The following EYS variants were observed in gnomAD, a reference collection of about 807,000 sequenced individuals.
EYS encodes the protein EGF-like photoreceptor maintenance factor.
In EYS, 250 loss-of-function variants were observed where a neutral mutation model predicts 282.1. That is an observed-to-expected ratio of 0.89 (90% CI 0.80 to 0.98). The LOEUF (loss-of-function observed/expected upper bound fraction) is 0.98, where lower values mean the gene tolerates loss of function less well. Ranked by LOEUF, EYS falls within the 50% of genes least tolerant of loss-of-function variation. The pLI, the probability that EYS is intolerant of heterozygous loss-of-function variation, is 0.00. For synonymous variants in EYS, 1,355 were observed against 1,282.9 expected (o/e 1.06, Z -1.20); for missense variants, 4,016 against 3,709.0 (o/e 1.08, Z -2.15).
chr6:64,250,374 G>A (rs1300234177), intron 30 of EYS, among the ~76,000 whole-genome samples: 2 of 152,158 alleles, frequency 1.3e-5, no homozygotes, highest in East Asian at 3.8e-4. Flanking sequence ...GGGGCAGCTA[G>A]CAGAATTGCA....
At chr6:65,455,233 T>A (rs1764557177) in intron 5 of EYS, among the ~76,000 whole-genome samples, 3 of 152,122 alleles carry the variant, frequency 2.0e-5, no homozygotes, top group African/African-American at 7.2e-5. Context: ...GTTAAGTTGA[T>A]TCTTACATAT....
At chr6:65,393,928 G>C (rs1766162129) in intron 7 of EYS, among the ~76,000 whole-genome samples, 1 of 151,860 alleles carries the variant, frequency 6.6e-6, no homozygotes, top group Non-Finnish European at 1.5e-5. Context: ...AAAATAAAAG[G>C]CTTAGAAAGC....
intron 11 of EYS, among the ~76,000 whole-genome samples, chr6:65,310,771 A>G (rs1372893329): frequency 3.9e-5 from 6 of 152,090 alleles, no homozygotes; most frequent in Non-Finnish European, 8.8e-5. Flanking sequence ...TCATTATCAT[A>G]TAAGCTCCAT....
At chr6:64,579,619 C>T (rs1407062610) in intron 26 of EYS, among the ~76,000 whole-genome samples, 1 of 152,058 alleles carries the variant, frequency 6.6e-6, no homozygotes, top group African/African-American at 2.4e-5. Flanking sequence ...ATGTCCTCCA[C>T]AAGCCTTATT....
chr6:64,873,480 G>T (rs1394714520), intron 19 of EYS, among the ~76,000 whole-genome samples: 1 of 152,032 alleles, frequency 6.6e-6, no homozygotes, highest in African/African-American at 2.4e-5. Context: ...AATCCAAAGA[G>T]TTGATCCCAT....
At chr6:65,574,220 G>A (rs921811169) in intron 2 of EYS, among the ~76,000 whole-genome samples, 8 of 152,060 alleles carry the variant, frequency 5.3e-5, no homozygotes, top group South Asian at 2.1e-4. Context: ...AAACCATTCC[G>A]AGTGCCAAGA....
intron 29 of EYS, among the ~76,000 whole-genome samples, chr6:64,319,462 G>C (rs1770117716): frequency 6.6e-6 from 1 of 151,964 alleles, no homozygotes; most frequent in African/African-American, 2.4e-5. Context: ...AGCAGGAGGA[G>C]AACAACTGTG....
intron 13 of EYS, among the ~76,000 whole-genome samples, chr6:65,021,783 G>A (rs974499038): frequency 5.9e-5 from 9 of 152,266 alleles, no homozygotes; most frequent in Admixed American, 6.5e-5. Flanking sequence ...TCACTGTTCA[G>A]CATGGCTGTG....
intron 15 of EYS, among the ~76,000 whole-genome samples, chr6:64,925,644 T>C (rs11757047): frequency 0.033 from 4,969 of 152,240 alleles, 141 homozygotes; most frequent in East Asian, 0.13. Context: ...GAGAGCCAGA[T>C]GGCATGGTCA....
chr6:64,730,067 A>C (rs1190739025), intron 22 of EYS, among the ~76,000 whole-genome samples: 1 of 152,224 alleles, frequency 6.6e-6, no homozygotes, highest in Non-Finnish European at 1.5e-5. Context: ...AAGGGGTATT[A>C]GAAAATGGAA....
intron 22 of EYS, among the ~76,000 whole-genome samples, chr6:64,660,521 TAAGCA>T (rs1300027052): frequency 1.1e-3 from 171 of 152,286 alleles, no homozygotes; most frequent in African/African-American, 3.8e-3. Flanking sequence ...CTTAAGCTGA[TAAGCA>T]ACTTCAGCAA....
At position 63,940,365 on chromosome 6, in the gene EYS, C is replaced by G. The variant is rs114473379; in HGVS notation, c.7055+44018G>C. ...TGTGAAGCTGTTGCTGCAGCTAGGC[C>G]AGCGGGTGTAAAAACTTTGTACTTT... On this transcript the variant is annotated intron_variant, in intron 35 of 42. Transcript: ENST00000503581. 8.8e-4 allele frequency among the ~76,000 whole-genome samples: 134 copies of G among 151,936 alleles called. 1 individual carries two copies. Among genetic ancestry groups the G allele is most frequent in the African/African-American group, 3.1e-3 (130 of 41,454 alleles).
intron 29 of EYS, among the ~76,000 whole-genome samples, chr6:64,359,241 A>C (rs569577722): frequency 9.8e-4 from 148 of 151,752 alleles, no homozygotes; most frequent in Non-Finnish European, 1.6e-3. Context: ...AAATGTTCCA[A>C]TTTTTAAATA....
chr6:64,762,867 C>A (rs1773206362), intron 22 of EYS, among the ~76,000 whole-genome samples: 1 of 152,080 alleles, frequency 6.6e-6, no homozygotes, highest in Non-Finnish European at 1.5e-5. Flanking sequence ...AAATCTATCT[C>A]TAGTTTACTT....
intron 34 of EYS, among the ~76,000 whole-genome samples, chr6:63,987,056 A>T (rs1204521389): frequency 6.6e-6 from 1 of 151,732 alleles, no homozygotes; most frequent in Non-Finnish European, 1.5e-5. Flanking sequence ...TGATCAATAC[A>T]ACAGGGCCAC....
At chr6:64,199,565 A>C (rs565507447) in intron 31 of EYS, among the ~76,000 whole-genome samples, 1 of 152,342 alleles carries the variant, frequency 6.6e-6, no homozygotes, top group South Asian at 2.1e-4. Context: ...ACAAAAGCCA[A>C]AATTGACAAA....
intron 29 of EYS, among the ~76,000 whole-genome samples, chr6:64,358,190 A>G (rs935825951): frequency 6.6e-6 from 1 of 151,538 alleles, no homozygotes. Context: ...CCCTTTGCCA[A>G]TCTGTGTCCA....
intron 12 of EYS, among the ~76,000 whole-genome samples, chr6:65,269,650 T>G (rs1767846171): frequency 6.6e-6 from 1 of 152,140 alleles, no homozygotes. Flanking sequence ...CAGAAATTAT[T>G]TCTCACAGTT....
chr6:64,123,135 A>C (rs1773646929), intron 31 of EYS, among the ~76,000 whole-genome samples: 1 of 152,214 alleles, frequency 6.6e-6, no homozygotes, highest in Admixed American at 6.5e-5. Flanking sequence ...GCAAACCAGC[A>C]TCGTTTCTTG....
Sources: gnomAD v4.1 joint callset for allele counts (sites outside exome capture counted in the v4.1 genomes callset) on GRCh38, gnomAD v4.1.1 for gene constraint, MANE v1.5 for transcripts, NCBI Gene and HGNC (gene_info 2026-07-23, HGNC 2026-07-21) for gene names.